The following NEB variants were observed in gnomAD, a reference collection of about 807,000 sequenced individuals.
NEB encodes the protein nemaline myopathy type 2.
Under a neutral mutation model 952.2 loss-of-function variants are expected in NEB, and 512 were observed. The ratio of observed to expected loss-of-function variants is 0.54; its 90% CI spans 0.50 to 0.58. NEB has a LOEUF of 0.58. Among genes scored for constraint, NEB ranks in the 20% least tolerant of loss-of-function variants. The probability of loss-of-function intolerance (pLI) is 0.00; values close to 1 mark genes in which losing one functional copy is unlikely to be tolerated. For missense variants in NEB, 8,428 were observed against 9,231.1 expected, an observed-to-expected ratio of 0.91 and a Z score of 3.56; for synonymous variants, 2,900 against 3,149.8, an observed-to-expected ratio of 0.92 and a Z score of 2.66.
rs536116098 is a variant in NEB, at chr2:151,613,987, G to A, written c.11601+289C>T. Among the ~76,000 whole-genome samples, 3 of 152,294 alleles carry A rather than the reference G, an allele frequency of 2.0e-5. No individual in the cohort carries two copies. The South Asian group carries it at 6.2e-4, about 32-fold the overall frequency. On this transcript the variant is annotated intron_variant, in intron 77 of 181. Coordinates refer to ENST00000397345, the MANE Select transcript of NEB (RefSeq NM_001164508.2). ...ACAGAGTTGTTGCTGATGTCTTAAAGTATTTATGCTCATCACTTCTTTGAA... is the reference window on the plus strand; with the variant it reads ...ACAGAGTTGTTGCTGATGTCTTAAAATATTTATGCTCATCACTTCTTTGAA...
Position 151,546,014 on chromosome 2 carries a change from A to AAAC in NEB, c.20467-17_20467-16insGTT. 1.4e-6 allele frequency: 2 copies of AAAC among 1,418,310 alleles called. No individual in the cohort carries two copies. Among genetic ancestry groups the AAAC allele is most frequent in the South Asian group, 2.5e-5 (2 of 80,876 alleles). 87.9% of individuals were successfully genotyped at this position (1,418,310 alleles called of 1,614,324 possible). ...GGTAATTAGACTTAAAAAAAAAAAA[A>AAAC]AAAACAGAAATACAAGTTGATTAAT... is the stretch of plus-strand genomic sequence containing the variant. On this transcript the variant is annotated splice_polypyrimidine_tract_variant and intron_variant, in intron 134 of 181. Transcript: ENST00000397345.
chr2:151,677,479 C>G, intron 34 of NEB, 86 bp downstream of exon 34: 1 of 1,000,008 alleles, frequency 1.0e-6, no homozygotes, highest in Non-Finnish European at 1.4e-6. Flanking sequence ...AGATATTGGC[C>G]CAGAAAAAAA....
Position 151,643,348 on chromosome 2 carries a change from C to G in NEB, c.7962G>C (p.Leu2654Phe). The change falls in exon 58 of 182, where the codon TTG becomes TTC. Residue 2654 changes from leucine to phenylalanine, a missense_variant. Physicochemically the swap from Leu to Phe is conservative, Grantham distance 22 (BLOSUM62 0). This residue lies in a region of NEB where 1,772 missense variants were observed against 1,960.3 expected (regional missense o/e 0.90). Transcript: ENST00000397345. ...TTAGCCACTGAAGGTCTGACTTGTA[C>G]AAATTCTGAAAGTGCAAGTGACAAA... ...RQAYDLQSDN[L>F]YKSDLQWLKG... 1 of 1,601,600 alleles carries G rather than the reference C, an allele frequency of 6.2e-7. No individual in the cohort carries two copies. Among genetic ancestry groups the G allele is most frequent in the Non-Finnish European group, 8.5e-7 (1 of 1,171,946 alleles).
At chr2:151,512,869 GT>G in intron 160 of NEB, 32 bp from the exon 161 acceptor site, 2 of 1,443,816 alleles carry the variant, frequency 1.4e-6, no homozygotes, top group Non-Finnish European at 1.9e-6. Context: ...TTGGGTAAAT[GT>G]TTGCAATGTG....
At position 151,527,548 on chromosome 2, in the gene NEB, T is replaced by C. The variant is rs781495845; in HGVS notation, c.21773A>G (p.His7258Arg). The change falls in exon 147 of 182, where the codon CAC becomes CGC. Residue 7258 changes from histidine (H) to arginine (R), a missense_variant. By Grantham distance (29) the His-to-Arg change is conservative. Coordinates refer to ENST00000397345, the MANE Select transcript of NEB (RefSeq NM_001164508.2). ...CGGTCGGTCAGGAGTCCACTTCCAG[T>C]GGGCTTTGTTGGCTTCGTACTGTTT... ...YKKQYEANKAHWKWTPDRPDF... is the reference protein window; with the variant it reads ...YKKQYEANKARWKWTPDRPDF... 6 of 1,613,322 alleles carry C rather than the reference T, an allele frequency of 3.7e-6. No homozygotes were observed. Among genetic ancestry groups the C allele is most frequent in the Non-Finnish European group, 5.1e-6 (6 of 1,179,598 alleles).
intron 70 of NEB, 36 bp downstream of exon 70, chr2:151,626,966 A>G (rs1416746508): frequency 6.2e-7 from 1 of 1,604,344 alleles, no homozygotes. Flanking sequence ...AATGACATAT[A>G]GCCCTGTCTT....
At chr2:151,508,994 G>A (rs1215799568) in intron 161 of NEB, among the ~76,000 whole-genome samples, 4 of 152,208 alleles carry the variant, frequency 2.6e-5, no homozygotes, top group Non-Finnish European at 5.9e-5. Context: ...CTTAGCTCCA[G>A]TTTTTCCCAC....
chr2:151,524,178 A>C (rs2083910618), intron 153 of NEB, 133 bp downstream of exon 153: 3 of 729,040 alleles, frequency 4.1e-6, no homozygotes, highest in Non-Finnish European at 6.7e-6. Flanking sequence ...CACTTTTTAT[A>C]ACTCTTGGAA....
At chr2:151,664,329 G>A (rs147781115) in intron 44 of NEB, among the ~76,000 whole-genome samples, 172 bp downstream of exon 44, 4 of 152,206 alleles carry the variant, frequency 2.6e-5, no homozygotes, top group African/African-American at 9.6e-5. Context: ...ATTAAATAAT[G>A]AACAGATGAT....
intron 134 of NEB, 65 bp downstream of exon 134, chr2:151,546,280 A>C: frequency 3.1e-6 from 4 of 1,273,816 alleles, no homozygotes; most frequent in Non-Finnish European, 4.5e-6. Flanking sequence ...CTAGCCCTGG[A>C]GGCTGGTGAT....
chr2:151,515,146 G>A (rs1050777033), intron 157 of NEB, among the ~76,000 whole-genome samples: 6 of 152,164 alleles, frequency 3.9e-5, no homozygotes, highest in African/African-American at 4.8e-5. Context: ...ACTTTGATGG[G>A]CCCCTCACTC....
chr2:151,605,238 G>A (rs2097650468), intron 84 of NEB, among the ~76,000 whole-genome samples: 1 of 130,674 alleles, frequency 7.7e-6, no homozygotes, highest in Admixed American at 9.1e-5. Context: ...TGGCAATTAT[G>A]ATCACAGTTC....
chr2:151,666,012 T>C, intron 41 of NEB, 78 bp downstream of exon 41: 1 of 1,390,614 alleles, frequency 7.2e-7, no homozygotes. Flanking sequence ...TGCAGCCAGG[T>C]GTGGGATGGA....
chr2:151,633,565 A>T, intron 65 of NEB, 89 bp downstream of exon 65: 3 of 1,467,598 alleles, frequency 2.0e-6, no homozygotes, highest in Non-Finnish European at 2.7e-6. Flanking sequence ...ATCAATCTTA[A>T]CTTGAGTAAT....
intron 107 of NEB, among the ~76,000 whole-genome samples, chr2:151,574,076 G>A (rs1207560463): frequency 3.9e-5 from 6 of 152,068 alleles, no homozygotes; most frequent in African/African-American, 1.2e-4. Flanking sequence ...TGGGTTTCAC[G>A]CCATTCTCCT....
chr2:151,652,286 T>G (rs2099039451), intron 52 of NEB, among the ~76,000 whole-genome samples: 1 of 152,092 alleles, frequency 6.6e-6, no homozygotes, highest in Non-Finnish European at 1.5e-5. Context: ...AGTGCAGTGG[T>G]GCGATCATGG....
intron 125 of NEB, 96 bp downstream of exon 125, chr2:151,554,835 C>T: frequency 1.1e-6 from 1 of 910,354 alleles, no homozygotes; most frequent in African/African-American, 1.6e-5. Flanking sequence ...TGTGGAAGTG[C>T]ACTCTATGAT....
intron 170 of NEB, 127 bp downstream of exon 170, chr2:151,498,133 C>T (rs1370814502): frequency 2.0e-5 from 31 of 1,522,856 alleles, no homozygotes; most frequent in Admixed American, 8.0e-5. Context: ...GAAAGTATAT[C>T]CTTTTGTAAT....
chr2:151,505,438 G>T, intron 165 of NEB, 40 bp downstream of exon 165: 1 of 1,513,128 alleles, frequency 6.6e-7, no homozygotes, highest in Non-Finnish European at 9.2e-7. Flanking sequence ...ATTGAGAGAT[G>T]GCCAGTCACA....
Sources: allele counts gnomAD v4.1 joint callset (sites outside exome capture counted in the v4.1 genomes callset), GRCh38; gene constraint gnomAD v4.1.1; regional missense constraint gnomAD v4.1.1; transcripts MANE v1.5; gene names NCBI Gene and HGNC (gene_info 2026-07-23, HGNC 2026-07-21).